The following DMD variants were observed in gnomAD, a reference collection of about 807,000 sequenced individuals.
The protein encoded by DMD is dystrophin, also known as mutant dystrophin.
DMD carries 63 observed loss-of-function variants against 330.1 expected under a neutral mutation model. The ratio of observed to expected loss-of-function variants is 0.19; its 90% CI spans 0.16 to 0.24. The LOEUF (loss-of-function observed/expected upper bound fraction) is 0.24, where lower values mean the gene tolerates loss of function less well. Among genes scored for constraint, DMD ranks in the 10% least tolerant of loss-of-function variants. DMD has a pLI of 1.00. For missense variants in DMD, 3,344 were observed against 2,684.1 expected (o/e 1.25, Z -5.43); for synonymous variants, 1,223 against 959.8 (o/e 1.27, Z -5.07).
rs66592193 is a variant in DMD, at chrX:32,472,027, T to C, written c.2949+137A>G. On this transcript the variant is annotated intron_variant, in intron 22 of 78. Transcript: ENST00000357033. ...TATATGCATAAATAATACTGTAAAG[T>C]CTCATTTTCATTTGCTCAATGGGCA... 3.5e-3 allele frequency: 2,534 copies of C among 733,522 alleles called. 51 individuals are homozygous for C. The African/African-American group carries it at 0.046, about 13-fold the overall frequency. The allele number at this position is 733,522 out of a possible 1,213,427, so 60.5% of individuals were successfully genotyped here.
Position 32,834,463 on chromosome X carries a change from C to G in DMD, c.264+10320G>C, listed in dbSNP as rs148170018. Among the ~76,000 whole-genome samples the G allele has an allele frequency of 2.0e-3, 227 of 111,724 alleles. 1 individual carries two copies. The highest frequency in any genetic ancestry group is 7.2e-3 in the African/African-American group (223 of 30,901). On this transcript the variant is annotated intron_variant, in intron 4 of 78. Coordinates refer to ENST00000357033, the MANE Select transcript of DMD (RefSeq NM_004006.3). ...AAGAACATTTTAGAATCCTCTTTAT[C>G]TAACATTATATGCCAGCATGTGAAC...
At chrX:31,148,949 T>C (rs973453580) in intron 74 of DMD, among the ~76,000 whole-genome samples, 1 of 112,253 alleles carries the variant, frequency 8.9e-6, no homozygotes, top group Admixed American at 9.4e-5. Flanking sequence ...TCTACCCTTA[T>C]CTTAGTGTAG....
chrX:32,510,541 T>C (rs186531197), intron 18 of DMD, among the ~76,000 whole-genome samples: 4 of 111,905 alleles, frequency 3.6e-5, no homozygotes, highest in Admixed American at 1.9e-4. Context: ...ATCTATATCC[T>C]TCTCTACTCT....
At chrX:31,351,491 C>T (rs761484979) in intron 60 of DMD, among the ~76,000 whole-genome samples, 6 of 109,456 alleles carry the variant, frequency 5.5e-5, no homozygotes, top group East Asian at 2.9e-4. Flanking sequence ...TTTGGGAGGC[C>T]GAGGCAGGCG....
chrX:31,475,707 C>T (rs1379015218), intron 59 of DMD, among the ~76,000 whole-genome samples: 1 of 111,927 alleles, frequency 8.9e-6, no homozygotes, highest in Non-Finnish European at 1.9e-5. Flanking sequence ...TTAACCCTTA[C>T]TTTAAATGTT....
intron 46 of DMD, among the ~76,000 whole-genome samples, chrX:31,930,095 A>G (rs1427160868): frequency 9.0e-6 from 1 of 111,517 alleles, no homozygotes; most frequent in Non-Finnish European, 1.9e-5. Context: ...CCTCTTGGGT[A>G]TCATAGCATG....
intron 54 of DMD, among the ~76,000 whole-genome samples, chrX:31,632,329 G>A (rs1281906246): frequency 1.8e-5 from 2 of 111,457 alleles, no homozygotes; most frequent in African/African-American, 3.3e-5. Context: ...ATACTTTATC[G>A]GTGCATTATA....
chrX:32,805,250 A>G (rs1444581201), intron 7 of DMD, among the ~76,000 whole-genome samples: 1 of 112,141 alleles, frequency 8.9e-6, no homozygotes, highest in Non-Finnish European at 1.9e-5. Context: ...TACAATAACC[A>G]GTTTAGGCAA....
In DMD at chrX:32,677,288, C is replaced by G. The variant is rs773403299; in HGVS notation, c.960+20582G>C. On this transcript the variant is annotated intron_variant, in intron 9 of 78. Coordinates refer to ENST00000357033, the MANE Select transcript of DMD (RefSeq NM_004006.3). ...TAAAAATATGCCATGCAATTAAACT[C>G]TTTTATATCTTAACTTTGTAGTGGC... is the stretch of plus-strand genomic sequence containing the variant. Among the ~76,000 whole-genome samples, 7 of 111,201 alleles carry G rather than the reference C, an allele frequency of 6.3e-5. No homozygotes were observed. The South Asian group carries it at 2.6e-3, about 41-fold the overall frequency.
intron 47 of DMD, among the ~76,000 whole-genome samples, chrX:31,881,631 G>T: frequency 9.0e-6 from 1 of 111,365 alleles, no homozygotes; most frequent in Admixed American, 9.6e-5. Context: ...TATTTTTACG[G>T]TACATTTTCT....
chrX:31,371,998 T>C (rs762631723), intron 60 of DMD, among the ~76,000 whole-genome samples: 1 of 111,882 alleles, frequency 8.9e-6, no homozygotes, highest in Admixed American at 9.5e-5. Context: ...GTTGTTAGAA[T>C]TAAGGGAGAT....
intron 11 of DMD, among the ~76,000 whole-genome samples, chrX:32,643,496 AATATACAC>A (rs2059601291): frequency 9.0e-6 from 1 of 111,410 alleles, no homozygotes; most frequent in Non-Finnish European, 1.9e-5. Flanking sequence ...GCTTTACATG[AATATACAC>A]ACCTAACAAT....
chrX:31,548,681 C>T (rs1241432171), intron 55 of DMD, among the ~76,000 whole-genome samples: 1 of 109,707 alleles, frequency 9.1e-6, no homozygotes, highest in Non-Finnish European at 1.9e-5. Context: ...TGCGCCACTG[C>T]ACCAGGCCTG....
At chrX:32,574,006 T>C (rs1000610143) in intron 13 of DMD, among the ~76,000 whole-genome samples, 160 bp from the exon 14 acceptor site, 1 of 112,320 alleles carries the variant, frequency 8.9e-6, no homozygotes, top group African/African-American at 3.2e-5. Context: ...ATAAGTGGTG[T>C]GACTGTCATT....
Position 32,187,910 on chromosome X carries a change from C to T in DMD, c.6438+29006G>A, listed in dbSNP as rs1403051291. 2.7e-5 allele frequency among the ~76,000 whole-genome samples: 3 copies of T among 110,967 alleles called. No homozygotes were observed. In the East Asian group the frequency reaches 8.5e-4, roughly 31 times the overall value. On this transcript the variant is annotated intron_variant, in intron 44 of 78. Transcript: ENST00000357033. The stretch of plus-strand genomic sequence containing the variant: ...ATGTAAATGTATTTCAGTAAATGTT[C>T]TATAGGATTTGTAAACAATTGAAAA...
chrX:31,394,038 A>C (rs12394347), intron 60 of DMD, among the ~76,000 whole-genome samples: 10,059 of 112,184 alleles, frequency 0.09, 440 homozygotes, highest in Middle Eastern at 0.15. Flanking sequence ...CAGAGCCAGA[A>C]CCTGAGCTCT....
intron 1 of DMD, among the ~76,000 whole-genome samples, chrX:33,096,225 T>C (rs762208907): frequency 2.4e-4 from 26 of 110,385 alleles, no homozygotes; most frequent in African/African-American, 5.3e-4. Context: ...CCACCCACCT[T>C]GGCCTCCCAA....
intron 2 of DMD, among the ~76,000 whole-genome samples, chrX:32,855,016 T>C (rs776499171): frequency 8.9e-6 from 1 of 112,056 alleles, no homozygotes; most frequent in South Asian, 3.7e-4. Flanking sequence ...GATGCCAAGA[T>C]GGGTCACCAT....
chrX:31,814,344 G>T (rs1172615667), intron 50 of DMD, among the ~76,000 whole-genome samples: 1 of 106,988 alleles, frequency 9.3e-6, no homozygotes, highest in Non-Finnish European at 1.9e-5. Flanking sequence ...TTAGCCGGGC[G>T]TGGTGGCGGG....
Sources: allele counts gnomAD v4.1 joint callset (sites outside exome capture counted in the v4.1 genomes callset), GRCh38; gene constraint gnomAD v4.1.1; transcripts MANE v1.5; gene names NCBI Gene and HGNC (gene_info 2026-07-23, HGNC 2026-07-21).